MLLT3: variants seen among roughly 807,000 people sequenced by gnomAD.
MLLT3 encodes the protein protein AF-9.
MLLT3 carries 4 observed loss-of-function variants against 53.2 expected under a neutral mutation model. The observed-to-expected ratio is 0.08, with a 90% CI of 0.04 to 0.17. MLLT3 has a LOEUF of 0.17. Among genes scored for constraint, MLLT3 ranks in the 10% least tolerant of loss-of-function variants. MLLT3 has a pLI of 1.00. For synonymous variants in MLLT3, 283 were observed against 230.6 expected (o/e 1.23, Z -2.06); for missense variants, 569 against 684.0 (o/e 0.83, Z 1.87).
chr9:20,456,914 C>A, intron 2 of MLLT3, 128 bp from the exon 3 acceptor site: 1 of 631,378 alleles, frequency 1.6e-6, no homozygotes, highest in Non-Finnish European at 2.7e-6. Flanking sequence ...TGCCAAACTC[C>A]CAGTTGAGTC....
At chr9:20,513,060 G>T (rs1817799314) in intron 2 of MLLT3, among the ~76,000 whole-genome samples, 1 of 152,234 alleles carries the variant, frequency 6.6e-6, no homozygotes, top group Non-Finnish European at 1.5e-5. Flanking sequence ...TCTCTCTGGA[G>T]AGTAGCCATA....
At chr9:20,429,712 G>C (rs1456843147) in intron 4 of MLLT3, among the ~76,000 whole-genome samples, 1 of 152,098 alleles carries the variant, frequency 6.6e-6, no homozygotes, top group Non-Finnish European at 1.5e-5. Flanking sequence ...AACGTTTTCT[G>C]ATAAAATCAA....
rs867533323 is a variant in MLLT3, at chr9:20,342,996, G to C, written c.*3447C>G. On this transcript the variant is annotated 3_prime_UTR_variant, in exon 11 of 11. Coordinates refer to ENST00000380338, the MANE Select transcript of MLLT3 (RefSeq NM_004529.4). Reference sequence around the variant, plus strand: ...ACGAGCCACCAAACAGACACTGACTGTTTCCAACACTGGACATCCAACTCC... The same window carrying C: ...ACGAGCCACCAAACAGACACTGACTCTTTCCAACACTGGACATCCAACTCC... The C allele has an allele frequency of 2.1e-5, 4 of 192,254 alleles. No homozygotes were observed. Among genetic ancestry groups the C allele is most frequent in the Non-Finnish European group, 4.3e-5 (4 of 92,672 alleles). 11.9% of individuals were successfully genotyped at this position (192,254 alleles called of 1,614,324 possible).
At chr9:20,588,752 TG>T (rs1323979306) in intron 2 of MLLT3, among the ~76,000 whole-genome samples, 14 of 152,164 alleles carry the variant, frequency 9.2e-5, no homozygotes, top group Non-Finnish European at 1.5e-5. Context: ...GCTGAGACAA[TG>T]GGGTTTTCTA....
intron 2 of MLLT3, among the ~76,000 whole-genome samples, chr9:20,619,810 G>A (rs1052439596): frequency 6.6e-6 from 1 of 152,112 alleles, no homozygotes; most frequent in South Asian, 2.1e-4. Flanking sequence ...AAATGTTTGG[G>A]ACCACAGAGG....
intron 2 of MLLT3, among the ~76,000 whole-genome samples, chr9:20,513,514 T>C (rs145003263): frequency 2.9e-4 from 44 of 152,326 alleles, no homozygotes; most frequent in African/African-American, 9.9e-4. Context: ...AAGGCCTTTA[T>C]TGGGGTCCAG....
intron 2 of MLLT3, among the ~76,000 whole-genome samples, chr9:20,563,750 C>T (rs1819278995): frequency 6.6e-6 from 1 of 152,098 alleles, no homozygotes; most frequent in Non-Finnish European, 1.5e-5. Context: ...GTCAGACCTA[C>T]AGATTTCTGT....
chr9:20,620,597 C>T lies in MLLT3; in HGVS notation c.193+57G>A, dbSNP rs2780835. 0.28 allele frequency: 427,778 copies of T among 1,527,556 alleles called. 61,631 individuals are homozygous for T. Among genetic ancestry groups the T allele is most frequent in the African/African-American group, 0.35 (25,504 of 72,684 alleles). The allele number at this position is 1,527,556 out of a possible 1,614,324, so 94.6% of individuals were successfully genotyped here. A position where few individuals can be genotyped will look rare whatever the true frequency, so the allele number is the denominator to read the frequency against. ...GAGCGGGACAGCGGGACCGCCCGGG[C>T]CAAGCGATTGTTTCAAAGACATTTT... On this transcript the variant is annotated intron_variant, in intron 2 of 10. Coordinates refer to ENST00000380338, the MANE Select transcript of MLLT3 (RefSeq NM_004529.4). This position sits in a 1 kb window ranked among gnomAD's most constrained non-coding sequence, Gnocchi z 6.1.
chr9:20,518,445 A>C (rs527735221), intron 2 of MLLT3, among the ~76,000 whole-genome samples: 3 of 152,358 alleles, frequency 2.0e-5, no homozygotes, highest in Middle Eastern at 3.4e-3. Context: ...GAAAAACACC[A>C]TGAGAACATT....
At chr9:20,548,910 G>C (rs549733683) in intron 2 of MLLT3, among the ~76,000 whole-genome samples, 4 of 151,690 alleles carry the variant, frequency 2.6e-5, no homozygotes, top group Non-Finnish European at 5.9e-5. Context: ...ACCTCCCCCG[G>C]CTCAGCTGAT....
intron 2 of MLLT3, among the ~76,000 whole-genome samples, chr9:20,613,617 T>C (rs1178967638): frequency 2.6e-5 from 4 of 151,658 alleles, no homozygotes; most frequent in Non-Finnish European, 5.9e-5. Context: ...AAAGCAGCCA[T>C]GGACTACAAA....
chr9:20,424,438 T>C (rs1180198409), intron 4 of MLLT3, among the ~76,000 whole-genome samples: 1 of 152,170 alleles, frequency 6.6e-6, no homozygotes, highest in East Asian at 1.9e-4. Flanking sequence ...ACATTAAATG[T>C]TTTCAAATTT....
At chr9:20,591,016 C>T (rs556609323) in intron 2 of MLLT3, among the ~76,000 whole-genome samples, 1 of 152,252 alleles carries the variant, frequency 6.6e-6, no homozygotes, top group South Asian at 2.1e-4. Context: ...TCCCAAAGTG[C>T]TGGGATTAAA....
At chr9:20,589,164 A>G (rs1820058479) in intron 2 of MLLT3, among the ~76,000 whole-genome samples, 1 of 149,736 alleles carries the variant, frequency 6.7e-6, no homozygotes, top group East Asian at 1.9e-4. Flanking sequence ...TATTCACAAT[A>G]GCAAAGACTT....
chr9:20,610,241 G>T (rs1039356784), intron 2 of MLLT3, among the ~76,000 whole-genome samples: 1 of 152,066 alleles, frequency 6.6e-6, no homozygotes, highest in Non-Finnish European at 1.5e-5. Context: ...TCATGGATTA[G>T]GTAGTAAAAA....
intron 2 of MLLT3, among the ~76,000 whole-genome samples, chr9:20,502,727 T>C (rs949419620): frequency 2.6e-5 from 4 of 152,220 alleles, no homozygotes; most frequent in Admixed American, 2.6e-4. Flanking sequence ...ATCCATGGGT[T>C]TGGGTATCCA....
intron 2 of MLLT3, 69 bp from the exon 3 acceptor site, chr9:20,456,855 A>T: frequency 8.2e-7 from 1 of 1,224,016 alleles, no homozygotes; most frequent in Non-Finnish European, 1.1e-6. Flanking sequence ...CTTTTAAAAA[A>T]AAAAATCCCA....
intron 4 of MLLT3, among the ~76,000 whole-genome samples, chr9:20,435,237 TC>T (rs768516629): frequency 1.3e-5 from 2 of 151,922 alleles, no homozygotes; most frequent in Non-Finnish European, 2.9e-5. Context: ...AGAGACAGGG[TC>T]TCAGTATGTT....
At chr9:20,592,510 A>G (rs1454755507) in intron 2 of MLLT3, among the ~76,000 whole-genome samples, 1 of 152,174 alleles carries the variant, frequency 6.6e-6, no homozygotes, top group Non-Finnish European at 1.5e-5. Context: ...GACACAAGTC[A>G]TATTAGATTA....
Sources: gnomAD v4.1 joint callset for allele counts (sites outside exome capture counted in the v4.1 genomes callset) on GRCh38, gnomAD v4.1.1 for gene constraint, Gnocchi (gnomAD v3.1) non-coding constraint, MANE v1.5 for transcripts, NCBI Gene and HGNC (gene_info 2026-07-23, HGNC 2026-07-21) for gene names.